The following MAP3K1 variants were observed in gnomAD, a reference collection of about 807,000 sequenced individuals.
MAP3K1 encodes mitogen-activated protein kinase kinase kinase 1, also known as MAP/ERK kinase kinase 1.
In MAP3K1, 36 loss-of-function variants were observed where a neutral mutation model predicts 144.2. That is an observed-to-expected ratio of 0.25 (90% CI 0.19 to 0.33). The LOEUF (loss-of-function observed/expected upper bound fraction) is 0.33. Among genes scored for constraint, MAP3K1 ranks in the 10% least tolerant of loss-of-function variants. The probability of loss-of-function intolerance (pLI) is 1.00; values close to 1 mark genes in which losing one functional copy is unlikely to be tolerated. For synonymous variants in MAP3K1, 718 were observed against 688.7 expected (o/e 1.04, Z -0.67); for missense variants, 1,650 against 1,881.9 (o/e 0.88, Z 2.28).
At chr5:56,838,523 A>G (rs1041913351) in intron 1 of MAP3K1, among the ~76,000 whole-genome samples, 12 of 152,352 alleles carry the variant, frequency 7.9e-5, no homozygotes, top group Middle Eastern at 6.8e-3. Flanking sequence ...GATTCAGACT[A>G]TATTTAGGAC....
intron 18 of MAP3K1, chr5:56,887,755 G>C: frequency 1.9e-6 from 1 of 523,380 alleles, no homozygotes; most frequent in Non-Finnish European, 3.4e-6. Flanking sequence ...TACTAATAAA[G>C]AATTCTGGGG....
At chr5:56,846,136 CACTA>C (rs1306918181) in intron 1 of MAP3K1, among the ~76,000 whole-genome samples, 3 of 152,174 alleles carry the variant, frequency 2.0e-5, no homozygotes, top group African/African-American at 7.2e-5. Flanking sequence ...GTTTTTCTGT[CACTA>C]ACGTTTTTAT....
rs755138053 is a variant in MAP3K1, at chr5:56,881,830, T to C, written c.2630T>C (p.Leu877Ser). 4.3e-6 allele frequency: 7 copies of C among 1,614,142 alleles called. No homozygotes were observed. In the South Asian group the frequency reaches 4.4e-5, roughly 10 times the overall value. Residue 877 changes from leucine (L) to serine (S), a missense_variant, in exon 14 of 20, where the codon TTG becomes TCG. Leu to Ser is a moderately radical substitution (Grantham distance 145). Transcript: ENST00000399503. The stretch of plus-strand genomic sequence containing the variant: ...ATCCAGTTGGGCGTAGAAGACACTT[T>C]GGATGGTCAACAGGACAGCTTCTTG... ...EAIQLGVEDTLDGQQDSFLQA... is the reference protein window; with the variant it reads ...EAIQLGVEDTSDGQQDSFLQA...
At chr5:56,893,448 A>AG in intron 19 of MAP3K1, 83 bp from the exon 20 acceptor site, 6 of 1,363,238 alleles carry the variant, frequency 4.4e-6, no homozygotes, top group Non-Finnish European at 5.2e-6. Context: ...TGTAAATGTA[A>AG]GGGTTATGAG....
chr5:56,872,712 G>T lies in MAP3K1; in HGVS notation c.1495G>T (p.Asp499Tyr). 1 of 1,601,716 alleles carries T rather than the reference G, an allele frequency of 6.2e-7. No homozygotes were observed. Among genetic ancestry groups the T allele is most frequent in the Non-Finnish European group, 8.6e-7 (1 of 1,169,348 alleles). ...TTGTAGATCTAAGTGGAGATCTCAT[G>T]ATTTCTACAGGTAATAATTTTGAAA... is the stretch of plus-strand genomic sequence containing the variant. The part of the protein sequence containing the change: ...PLCRSKWRSH[D>Y]FYSHELSSPV... Residue 499 changes from aspartate to tyrosine, a missense_variant, in exon 8 of 20, where the codon GAT becomes TAT. This residue lies in a region of MAP3K1 where 841 missense variants were observed against 886.5 expected (regional missense o/e 0.95). Transcript: ENST00000399503.
intron 1 of MAP3K1, among the ~76,000 whole-genome samples, chr5:56,834,928 A>G (rs921591674): frequency 6.6e-6 from 1 of 152,156 alleles, no homozygotes; most frequent in Admixed American, 6.5e-5. Context: ...AAGTCTTAAC[A>G]AGTAATAAGA....
At chr5:56,887,617 T>C in intron 18 of MAP3K1, 97 bp downstream of exon 18, 1 of 1,309,866 alleles carries the variant, frequency 7.6e-7, no homozygotes, top group Non-Finnish European at 1.1e-6. Context: ...CAGTATGTAC[T>C]TACCAACTAG....
Position 56,831,886 on chromosome 5 carries a change from A to T in MAP3K1, c.482+15831A>T, listed in dbSNP as rs148275010. On this transcript the variant is annotated intron_variant, in intron 1 of 19. Coordinates refer to ENST00000399503, the MANE Select transcript of MAP3K1 (RefSeq NM_005921.2). ...TTGCAGTTGAAATTCAAGAGTCTAG[A>T]CATTCCTTGTGGGCATATTTGATTT... is the stretch of plus-strand genomic sequence containing the variant. Among the ~76,000 whole-genome samples the T allele has an allele frequency of 3.7e-4, 57 of 152,308 alleles. 1 individual carries two copies. Among genetic ancestry groups the T allele is most frequent in the African/African-American group, 1.2e-3 (51 of 41,566 alleles).
Position 56,865,422 on chromosome 5 carries a change from C to A in MAP3K1, c.1118C>A (p.Pro373Gln). Residue 373 changes from proline to glutamine, a missense_variant, in exon 5 of 20, where the codon CCA becomes CAA. Physicochemically the swap from Pro to Gln is moderately conservative, Grantham distance 76. Transcript: ENST00000399503. ...GTGTTTCAACTAGAACCTTCAGACC[C>A]AATGTTATGGAGAAAAACTTTAAAG... ...LRVFQLEPSD[P>Q]MLWRKTLKNF... 6.2e-7 allele frequency: 1 copy of A among 1,604,720 alleles called. No individual in the cohort carries two copies. Among genetic ancestry groups the A allele is most frequent in the Non-Finnish European group, 8.5e-7 (1 of 1,172,074 alleles).
chr5:56,830,782 G>A (rs1398668409), intron 1 of MAP3K1, among the ~76,000 whole-genome samples: 1 of 151,882 alleles, frequency 6.6e-6, no homozygotes, highest in Non-Finnish European at 1.5e-5. Context: ...ATCATTTTGT[G>A]TGTATTTAGA....
Position 56,815,739 on chromosome 5 carries a change from G to A in MAP3K1, c.166G>A (p.Asp56Asn), listed in dbSNP as rs1039577956. ...EAGSGGRERA[D>N]WRRRQLRKVR... is the part of the protein sequence containing the mutation. ...GGGCAGCGGGGGCCGCGAGCGGGCG[G>A]ACTGGCGGCGGCGGCAGCTGCGCAA... The change falls in exon 1 of 20, where the codon GAC (aspartate) becomes AAC (asparagine). Residue 56 changes from aspartate to asparagine, a missense_variant. By Grantham distance (23) the Asp-to-Asn change is conservative (BLOSUM62 1). This residue lies in a region of MAP3K1 where 360 missense variants were observed against 274.7 expected (regional missense o/e 1.31). Transcript: ENST00000399503. 3.7e-6 allele frequency: 5 copies of A among 1,354,896 alleles called. No homozygotes were observed. The highest frequency in any genetic ancestry group is 1.5e-5 in the African/African-American group (1 of 66,566). 83.9% of individuals were successfully genotyped at this position (1,354,896 alleles called of 1,614,324 possible).
chr5:56,842,744 G>GT (rs1291225282), intron 1 of MAP3K1, among the ~76,000 whole-genome samples: 1 of 152,088 alleles, frequency 6.6e-6, no homozygotes, highest in African/African-American at 2.4e-5. Context: ...ACTCTAAGAA[G>GT]TTAACTTTCT....
chr5:56,824,947 A>AT lies in MAP3K1; in HGVS notation c.482+8903dup, dbSNP rs1037419895. On this transcript the variant is annotated intron_variant, in intron 1 of 19. Transcript: ENST00000399503. ...TTCCGGTTTTTTAAAAAAAATTTTT[A>AT]TTTTTTTTTTTGAGACGGAGTCTTA... is the stretch of plus-strand genomic sequence containing the variant. Among the ~76,000 whole-genome samples the AT allele has an allele frequency of 4.9e-3, 718 of 146,702 alleles. 8 individuals carry two copies. Among genetic ancestry groups the AT allele is most frequent in the South Asian group, 6.9e-3 (32 of 4,632 alleles).
chr5:56,838,121 A>G (rs1218984209), intron 1 of MAP3K1, among the ~76,000 whole-genome samples: 1 of 152,240 alleles, frequency 6.6e-6, no homozygotes, highest in African/African-American at 2.4e-5. Context: ...TCAGGTTGAT[A>G]ACTTTGGTCC....
chr5:56,840,812 A>G (rs1229656116), intron 1 of MAP3K1, among the ~76,000 whole-genome samples: 1 of 151,986 alleles, frequency 6.6e-6, no homozygotes, highest in Non-Finnish European at 1.5e-5. Flanking sequence ...ATTTCAGGCT[A>G]CTACTTTGCA....
Position 56,885,912 on chromosome 5 carries a change from T to C in MAP3K1, c.3983-20T>C. ...TAATTCTGTCTTAAGTTTATGATAA[T>C]TATTTCTATTGTCTTATAGGGGGAT... On this transcript the variant is annotated intron_variant, in intron 16 of 19. Transcript: ENST00000399503. 1 of 1,608,786 alleles carries C rather than the reference T, an allele frequency of 6.2e-7. No individual in the cohort carries two copies. The highest frequency in any genetic ancestry group is 1.7e-5 in the Admixed American group (1 of 59,982).
chr5:56,881,355 T>G, intron 13 of MAP3K1, 83 bp downstream of exon 13: 2 of 1,271,092 alleles, frequency 1.6e-6, no homozygotes, highest in Non-Finnish European at 2.3e-6. Context: ...TTTAGATTTT[T>G]GAAAGACTCA....
intron 3 of MAP3K1, among the ~76,000 whole-genome samples, chr5:56,862,444 A>G (rs1747544723): frequency 6.6e-6 from 1 of 152,230 alleles, no homozygotes; most frequent in South Asian, 2.1e-4. Context: ...ATGAAAGTTT[A>G]CAACAAGTAT....
intron 1 of MAP3K1, among the ~76,000 whole-genome samples, chr5:56,849,178 T>G (rs747875307): frequency 6.6e-6 from 1 of 152,032 alleles, no homozygotes; most frequent in Non-Finnish European, 1.5e-5. Flanking sequence ...AGAAACCCCA[T>G]CTGTACAAAA....
Sources: gnomAD v4.1 joint callset for allele counts (sites outside exome capture counted in the v4.1 genomes callset) on GRCh38, gnomAD v4.1.1 for gene constraint, gnomAD v4.1.1 regional missense constraint, MANE v1.5 for transcripts, NCBI Gene and HGNC (gene_info 2026-07-23, HGNC 2026-07-21) for gene names.